Variants in CIT observed in about 807,000 individuals in gnomAD.
The protein encoded by CIT is citron Rho-interacting kinase.
Under a neutral mutation model 272.7 loss-of-function variants are expected in CIT, and 79 were observed. The observed-to-expected ratio is 0.29, with a 90% CI of 0.24 to 0.35. CIT has a LOEUF of 0.35. Among genes scored for constraint, CIT ranks in the 10% least tolerant of loss-of-function variants. The probability of loss-of-function intolerance (pLI) is 1.00; values close to 1 mark genes in which losing one functional copy is unlikely to be tolerated. For synonymous variants in CIT, 948 were observed against 995.6 expected (o/e 0.95, Z 0.90); for missense variants, 1,909 against 2,618.3 (o/e 0.73, Z 5.91).
chr12:119,824,140 A>C (rs1444042610), intron 8 of CIT, among the ~76,000 whole-genome samples: 1 of 143,212 alleles, frequency 7.0e-6, no homozygotes, highest in Non-Finnish European at 1.5e-5. Flanking sequence ...ATATATATAT[A>C]TACAGTAAAA....
At chr12:119,818,316 G>C (rs548839763) in intron 9 of CIT, among the ~76,000 whole-genome samples, 1 of 151,966 alleles carries the variant, frequency 6.6e-6, no homozygotes, top group East Asian at 1.9e-4. Flanking sequence ...GAAAAAAAAA[G>C]AAAAAACCCA....
At chr12:119,734,038 C>G in intron 26 of CIT, 126 bp downstream of exon 26, 1 of 1,023,344 alleles carries the variant, frequency 9.8e-7, no homozygotes, top group Non-Finnish European at 1.4e-6. Context: ...TTTTTAGCAC[C>G]AGGAGGCTTG....
intron 44 of CIT, 77 bp downstream of exon 44, chr12:119,700,668 A>G: frequency 8.2e-7 from 1 of 1,217,402 alleles, no homozygotes; most frequent in Non-Finnish European, 1.2e-6. Context: ...GGCGTGAGCC[A>G]CCGCACCCGG....
At chr12:119,862,047 C>G (rs1243363982) in intron 3 of CIT, among the ~76,000 whole-genome samples, 1 of 152,146 alleles carries the variant, frequency 6.6e-6, no homozygotes, top group Non-Finnish European at 1.5e-5. Context: ...GTCACCCTGG[C>G]TGGAGTGCAG....
intron 19 of CIT, among the ~76,000 whole-genome samples, chr12:119,762,151 C>G (rs1287788303): frequency 6.6e-6 from 1 of 152,014 alleles, no homozygotes; most frequent in Non-Finnish European, 1.5e-5. Context: ...GGACGACGTC[C>G]CTAAAAAGAG....
intron 26 of CIT, among the ~76,000 whole-genome samples, chr12:119,733,634 G>A (rs1436119884): frequency 1.3e-5 from 2 of 152,104 alleles, no homozygotes; most frequent in African/African-American, 2.4e-5. Flanking sequence ...AATGTCTAGA[G>A]ACATATTTGT....
At chr12:119,792,845 C>A (rs1965424040) in intron 10 of CIT, among the ~76,000 whole-genome samples, 1 of 152,000 alleles carries the variant, frequency 6.6e-6, no homozygotes, top group Admixed American at 6.5e-5. Flanking sequence ...ACCTGTAGTC[C>A]TAGCTACTCG....
At chr12:119,808,309 T>A (rs1271490810) in intron 9 of CIT, among the ~76,000 whole-genome samples, 1 of 152,204 alleles carries the variant, frequency 6.6e-6, no homozygotes, top group Non-Finnish European at 1.5e-5. Context: ...CACCTTTGAT[T>A]TTTTAGCATA....
Position 119,772,864 on chromosome 12 carries a change from C to T in CIT, c.1988G>A (p.Arg663His), listed in dbSNP as rs1963323384. ...TEATELLQNIRQAKERAEREL... is the reference protein window; with the variant it reads ...TEATELLQNIHQAKERAEREL... ...CCTCTCGGCTCGCTCCTTTGCCTGG[C>T]GGATATTCTGCAGCAGCTCGGTGGC... Residue 663 changes from arginine (R) to histidine (H), a missense_variant, in exon 17 of 48, where the codon CGC becomes CAC. Around this residue, in one of 8 missense-constraint regions of CIT, gnomAD observed 530 missense variants for 822.4 expected, o/e 0.64. Transcript: ENST00000392521. 8.7e-6 allele frequency: 14 copies of T among 1,613,992 alleles called. No individual in the cohort carries two copies. Among genetic ancestry groups the T allele is most frequent in the Non-Finnish European group, 1.2e-5 (14 of 1,180,002 alleles).
intron 5 of CIT, among the ~76,000 whole-genome samples, chr12:119,843,294 G>A (rs1282848334): frequency 6.6e-6 from 1 of 152,190 alleles, no homozygotes; most frequent in Non-Finnish European, 1.5e-5. Context: ...AGGGAGTCTT[G>A]AAGGGTTTCA....
chr12:119,814,080 C>A (rs1200234063), intron 9 of CIT, among the ~76,000 whole-genome samples: 1 of 152,176 alleles, frequency 6.6e-6, no homozygotes, highest in Non-Finnish European at 1.5e-5. Context: ...TATCCTCATA[C>A]TCCTTTCATC....
In CIT at chr12:119,697,558, A is replaced by T; in HGVS notation, c.5882+101T>A. 8.1e-7 allele frequency: 1 copy of T among 1,235,640 alleles called. No individual in the cohort carries two copies. Among genetic ancestry groups the T allele is most frequent in the Non-Finnish European group, 1.1e-6 (1 of 882,204 alleles). The allele number at this position is 1,235,640 out of a possible 1,614,324, so 76.5% of individuals were successfully genotyped here. A position where few individuals can be genotyped will look rare whatever the true frequency, so the allele number is the denominator to read the frequency against. On this transcript the variant is annotated intron_variant, in intron 46 of 47. Transcript: ENST00000392521. The surrounding 1 kb of genome is among the most constrained non-coding windows in gnomAD (Gnocchi z 4.9). The stretch of plus-strand genomic sequence containing the variant: ...ATGAATGGTTTGAGCTTAAGAACAA[A>T]GTGAAGATTGGGAAACATTCTACTG...
At chr12:119,796,210 T>G (rs1488803283) in intron 10 of CIT, among the ~76,000 whole-genome samples, 7 of 152,114 alleles carry the variant, frequency 4.6e-5, no homozygotes, top group Non-Finnish European at 8.8e-5. Flanking sequence ...GGGATGCTGT[T>G]GAAGGTGTAA....
chr12:119,850,219 G>T lies in CIT; in HGVS notation c.471C>A (p.Ile157=). The part of the protein sequence containing the change: ...NILSRSTSPW[I]PQLQYAFQDK... The stretch of plus-strand genomic sequence containing the variant: ...CCTGAAAGGCATACTGTAATTGGGG[G>T]ATCCACGGGCTTGTGCTTCGAGATA... Residue 157 remains isoleucine, a synonymous_variant, in exon 5 of 48, where the codon ATC becomes ATA. Coordinates refer to ENST00000392521, the MANE Select transcript of CIT (RefSeq NM_001206999.2). 1 of 1,613,516 alleles carries T rather than the reference G, an allele frequency of 6.2e-7. No homozygotes were observed.
chr12:119,752,017 T>C (rs773594096), intron 23 of CIT, 33 bp downstream of exon 23: 1 of 1,587,136 alleles, frequency 6.3e-7, no homozygotes, highest in Admixed American at 1.7e-5. Flanking sequence ...CTGAGGCCTT[T>C]AGCAACCTGA....
At chr12:119,801,520 G>A (rs922745034) in intron 10 of CIT, among the ~76,000 whole-genome samples, 1 of 152,100 alleles carries the variant, frequency 6.6e-6, no homozygotes, top group Non-Finnish European at 1.5e-5. Context: ...TCGTCTTTCA[G>A]ATCACTGACC....
At chr12:119,753,182 G>C (rs1960477019) in intron 22 of CIT, among the ~76,000 whole-genome samples, 1 of 152,112 alleles carries the variant, frequency 6.6e-6, no homozygotes, top group African/African-American at 2.4e-5. Flanking sequence ...GCTGCCCTCA[G>C]AGAGCCTGCT....
intron 9 of CIT, among the ~76,000 whole-genome samples, chr12:119,815,915 G>A (rs16949712): frequency 0.016 from 2,416 of 152,224 alleles, 67 homozygotes; most frequent in African/African-American, 0.055. Context: ...TGAATTTTCT[G>A]CTATGGGCTA....
intron 47 of CIT, among the ~76,000 whole-genome samples, chr12:119,689,134 A>G (rs1248481297): frequency 1.3e-5 from 2 of 152,028 alleles, no homozygotes; most frequent in Non-Finnish European, 1.5e-5. Flanking sequence ...AGCTATGATC[A>G]CACCACTGCA....
Sources: gnomAD v4.1 joint callset for allele counts (sites outside exome capture counted in the v4.1 genomes callset) on GRCh38, gnomAD v4.1.1 for gene constraint, gnomAD v4.1.1 regional missense constraint, Gnocchi (gnomAD v3.1) non-coding constraint, MANE v1.5 for transcripts, NCBI Gene and HGNC (gene_info 2026-07-23, HGNC 2026-07-21) for gene names.